Variants in ADAM22 observed in about 807,000 individuals in gnomAD.
ADAM22 encodes the protein ADAM metallopeptidase domain 22, also known as disintegrin and metalloproteinase domain-containing protein 22.
Under a neutral mutation model 144.6 loss-of-function variants are expected in ADAM22, and 65 were observed. The observed-to-expected ratio is 0.45, with a 90% confidence interval of 0.37 to 0.55. The LOEUF is 0.55. Among genes scored for constraint, ADAM22 ranks in the 20% least tolerant of loss-of-function variants. ADAM22 has a pLI of 0.00. For missense variants in ADAM22, 974 were observed against 1,184.9 expected, an observed-to-expected ratio of 0.82 and a Z score of 2.61; for synonymous variants, 391 against 412.6, an observed-to-expected ratio of 0.95 and a Z score of 0.63.
chr7:87,995,995 A>G (rs901897389), intron 3 of ADAM22, among the ~76,000 whole-genome samples: 24 of 152,278 alleles, frequency 1.6e-4, no homozygotes, highest in African/African-American at 5.8e-4. Flanking sequence ...GCCCTCTGTA[A>G]CTTTCTGTGA....
chr7:88,009,348 C>G (rs1050187064), intron 3 of ADAM22, among the ~76,000 whole-genome samples: 2 of 152,102 alleles, frequency 1.3e-5, no homozygotes, highest in South Asian at 2.1e-4. Flanking sequence ...TTAAACAACC[C>G]AAGAGCTTAT....
intron 23 of ADAM22, among the ~76,000 whole-genome samples, chr7:88,165,276 G>T (rs1372591585): frequency 3.3e-5 from 5 of 152,042 alleles, no homozygotes; most frequent in Non-Finnish European, 7.4e-5. Context: ...ATTCGTGGGA[G>T]TTCTTAGTTC....
intron 4 of ADAM22, among the ~76,000 whole-genome samples, chr7:88,083,355 G>T (rs376165877): frequency 1.3e-5 from 2 of 152,114 alleles, no homozygotes; most frequent in African/African-American, 4.8e-5. Flanking sequence ...GGGGACTGGG[G>T]GAGGGATAGC....
At chr7:88,171,020 A>T (rs1844191029) in intron 25 of ADAM22, among the ~76,000 whole-genome samples, 1 of 151,918 alleles carries the variant, frequency 6.6e-6, no homozygotes, top group Admixed American at 6.6e-5. Context: ...AACAGTCACG[A>T]ATTGACTCAC....
At chr7:88,027,519 T>A (rs1334938427) in intron 3 of ADAM22, among the ~76,000 whole-genome samples, 2 of 152,210 alleles carry the variant, frequency 1.3e-5, no homozygotes, top group Non-Finnish European at 2.9e-5. Context: ...TTTCTTGGCA[T>A]ATAGTTGCAA....
rs1282912944 is a variant in ADAM22 at position 88,193,122 on chromosome 7, ATCTCCTGCCAAG to A, written c.2764_2775del (p.Ala922_Pro925del). ...CATGTTCTCAACATCTCAGGACTTT[ATCTCCTGCCAAG>A]TCTCCTTCTTCATCAACTGGGTCTA... On this transcript the variant is annotated inframe_deletion, in exon 31 of 32. Transcript: ENST00000413139. 1 of 1,613,910 alleles carries A rather than the reference ATCTCCTGCCAAG, an allele frequency of 6.2e-7. No homozygotes were observed. The highest frequency in any genetic ancestry group is 8.5e-7 in the Non-Finnish European group (1 of 1,179,946).
chr7:87,935,377 C>T (rs2131153359), intron 2 of ADAM22, among the ~76,000 whole-genome samples, 191 bp downstream of exon 2: 1 of 152,278 alleles, frequency 6.6e-6, no homozygotes, highest in East Asian at 1.9e-4. Flanking sequence ...CCAAAATAAC[C>T]ACAGGCCGAG....
At chr7:88,051,577 G>A (rs1031618597) in intron 3 of ADAM22, among the ~76,000 whole-genome samples, 6 of 152,118 alleles carry the variant, frequency 3.9e-5, no homozygotes, top group Admixed American at 2.6e-4. Context: ...GGGAGGGATA[G>A]CATTAGGAGA....
At chr7:88,159,100 C>CA (rs1176153002) in intron 22 of ADAM22, among the ~76,000 whole-genome samples, 2 of 152,020 alleles carry the variant, frequency 1.3e-5, no homozygotes, top group African/African-American at 4.8e-5. Flanking sequence ...GAAATACAAA[C>CA]AATCATCAGA....
intron 2 of ADAM22, among the ~76,000 whole-genome samples, chr7:87,956,568 CACTTCAAAAAG>C (rs1467676004): frequency 6.6e-6 from 1 of 152,134 alleles, no homozygotes; most frequent in African/African-American, 2.4e-5. Flanking sequence ...ACCTTTTCAT[CACTTCAAAAAG>C]AAACCTTATG....
At chr7:88,184,388 G>C (rs1847820374) in intron 29 of ADAM22, 1 of 430,394 alleles carries the variant, frequency 2.3e-6, no homozygotes, top group African/African-American at 2.1e-5. Flanking sequence ...CCCAGACAGG[G>C]AGTCTGGATC....
At chr7:88,181,888 A>C (rs1847122731) in intron 28 of ADAM22, 70 bp from the exon 29 acceptor site, 2 of 1,385,882 alleles carry the variant, frequency 1.4e-6, no homozygotes, top group African/African-American at 2.9e-5. Context: ...CCCACTTGAA[A>C]TGCCTCGTAA....
intron 3 of ADAM22, among the ~76,000 whole-genome samples, chr7:88,002,103 A>C (rs1792702790): frequency 6.6e-6 from 1 of 152,304 alleles, no homozygotes; most frequent in South Asian, 2.1e-4. Flanking sequence ...AGTTGCAAAT[A>C]ACAAAAATTT....
chr7:88,058,872 A>G (rs1193237359), intron 3 of ADAM22, among the ~76,000 whole-genome samples: 2 of 152,188 alleles, frequency 1.3e-5, no homozygotes, highest in Admixed American at 1.3e-4. Flanking sequence ...AATTTTCCTA[A>G]GGAGCAGTTA....
At chr7:88,130,129 G>T (rs1040634303) in intron 9 of ADAM22, among the ~76,000 whole-genome samples, 2 of 122,828 alleles carry the variant, frequency 1.6e-5, no homozygotes, top group Admixed American at 9.7e-5. Flanking sequence ...GATGGATTGG[G>T]TATTTTTTAC....
intron 3 of ADAM22, among the ~76,000 whole-genome samples, chr7:88,049,945 T>C (rs1430391443): frequency 6.6e-6 from 1 of 151,978 alleles, no homozygotes; most frequent in Non-Finnish European, 1.5e-5. Context: ...TGTTACTTTG[T>C]AAAAAATACA....
intron 31 of ADAM22, among the ~76,000 whole-genome samples, chr7:88,194,377 G>A (rs1404540490): frequency 6.6e-6 from 1 of 152,126 alleles, no homozygotes; most frequent in African/African-American, 2.4e-5. Context: ...CTGGCTGCTG[G>A]GATTGTTACC....
chr7:88,084,580 C>A, intron 4 of ADAM22, among the ~76,000 whole-genome samples: 1 of 152,182 alleles, frequency 6.6e-6, no homozygotes, highest in East Asian at 1.9e-4. Flanking sequence ...CTGGTTCCCT[C>A]CTGTCTCGAC....
chr7:88,177,018 G>T (rs113499098), intron 26 of ADAM22, among the ~76,000 whole-genome samples: 6 of 152,282 alleles, frequency 3.9e-5, no homozygotes, highest in African/African-American at 1.4e-4. Flanking sequence ...GCCCGCTTCG[G>T]CCTCCCATAG....
Sources: allele counts gnomAD v4.1 joint callset (sites outside exome capture counted in the v4.1 genomes callset), GRCh38; gene constraint gnomAD v4.1.1; transcripts MANE v1.5; gene names NCBI Gene and HGNC (gene_info 2026-07-23, HGNC 2026-07-21).